The following THAP4 variants were observed in gnomAD, a reference collection of about 807,000 sequenced individuals.
THAP4 encodes the protein peroxynitrite isomerase THAP4.
Under a neutral mutation model 48.1 loss-of-function variants are expected in THAP4, and 18 were observed. The observed-to-expected ratio is 0.37, with a 90% CI of 0.26 to 0.56. The LOEUF (loss-of-function observed/expected upper bound fraction) is 0.56, where lower values mean the gene tolerates loss of function less well. Among genes scored for constraint, THAP4 ranks in the 20% least tolerant of loss-of-function variants. THAP4 has a pLI of 0.78. For missense variants in THAP4, 656 were observed against 774.9 expected, an observed-to-expected ratio of 0.85 and a Z score of 1.82; for synonymous variants, 345 against 324.9, an observed-to-expected ratio of 1.06 and a Z score of -0.66.
intron 4 of THAP4, chr2:241,602,247 C>T: frequency 1.8e-6 from 1 of 544,372 alleles, no homozygotes; most frequent in Admixed American, 3.1e-5. Context: ...GCCCTCCCAC[C>T]TCCACCCACC....
intron 2 of THAP4, chr2:241,617,356 CCTG>C (rs2125088438): frequency 7.7e-7 from 1 of 1,294,028 alleles, no homozygotes; most frequent in East Asian, 2.5e-5. Flanking sequence ...ATTTAAATTT[CCTG>C]CAAGAAATTT....
Position 241,632,899 on chromosome 2 carries a change from C to T in THAP4, c.1240+18G>A, listed in dbSNP as rs770454473. The T allele has an allele frequency of 3.3e-5, 51 of 1,551,646 alleles. No individual in the cohort carries two copies. The highest frequency in any genetic ancestry group is 1.7e-4 in the Middle Eastern group (1 of 5,770). On this transcript the variant is annotated intron_variant, in intron 2 of 5. Transcript: ENST00000407315. ...CTAACGGGAAGGGAACATGGGTACG[C>T]GAGGCTCCGGTACTGACCGCGGCTG...
chr2:241,597,015 G>A (rs1423295616), intron 5 of THAP4, among the ~76,000 whole-genome samples: 1 of 152,180 alleles, frequency 6.6e-6, no homozygotes, highest in Non-Finnish European at 1.5e-5. Context: ...TTTTTAAAAA[G>A]TAATTGTGCT....
At chr2:241,585,211 A>G (rs2066879252) in intron 5 of THAP4, 1 of 154,166 alleles carries the variant, frequency 6.5e-6, no homozygotes, top group Admixed American at 6.4e-5. Flanking sequence ...TCTTTGGAAC[A>G]GTAATTCATC....
intron 2 of THAP4, among the ~76,000 whole-genome samples, chr2:241,607,690 C>T (rs1237420347): frequency 6.8e-6 from 1 of 147,718 alleles, no homozygotes; most frequent in Non-Finnish European, 1.5e-5. Flanking sequence ...TCCAGGCCCG[C>T]GCAAGCAGAA....
Position 241,634,029 on chromosome 2 carries a change from T to C in THAP4, c.128A>G (p.Gln43Arg). ...KRLIQWLKAV[Q>R]RDNWTPTKYS... ...CTTAGTGGGAGTCCAGTTATCCCTC[T>C]GAACAGCTTTTAACCATTGGATTAG... The change falls in exon 2 of 6, where the codon CAG (glutamine) becomes CGG (arginine). Residue 43 changes from glutamine (Q) to arginine (R), a missense_variant. By Grantham distance (43) the Gln-to-Arg change is conservative. Coordinates refer to ENST00000407315, the MANE Select transcript of THAP4 (RefSeq NM_015963.6). 6.2e-7 allele frequency: 1 copy of C among 1,613,390 alleles called. No individual in the cohort carries two copies. Among genetic ancestry groups the C allele is most frequent in the Non-Finnish European group, 8.5e-7 (1 of 1,179,652 alleles).
chr2:241,600,727 CAAAAAAA>C (rs35546566), intron 5 of THAP4, among the ~76,000 whole-genome samples: 9 of 88,782 alleles, frequency 1.0e-4, no homozygotes, highest in Middle Eastern at 6.6e-3. Context: ...GACTCCGTCT[CAAAAAAA>C]AAAAAAAAAA....
chr2:241,624,732 G>A (rs1053461133), intron 2 of THAP4, among the ~76,000 whole-genome samples: 2 of 152,232 alleles, frequency 1.3e-5, no homozygotes, highest in Non-Finnish European at 2.9e-5. Flanking sequence ...GCAGGATGGA[G>A]GGGGTGGGGC....
intron 2 of THAP4, among the ~76,000 whole-genome samples, chr2:241,624,444 G>A (rs193129999): frequency 7.3e-5 from 11 of 151,396 alleles, no homozygotes; most frequent in African/African-American, 2.4e-4. Flanking sequence ...CCGAGATCGC[G>A]CCACTGTACT....
intron 5 of THAP4, among the ~76,000 whole-genome samples, chr2:241,598,515 A>C (rs1231205516): frequency 3.3e-5 from 5 of 152,164 alleles, no homozygotes; most frequent in Non-Finnish European, 7.4e-5. Flanking sequence ...TTCATGGAAG[A>C]CAATTTTTCC....
chr2:241,621,181 C>T (rs964452787), intron 2 of THAP4, among the ~76,000 whole-genome samples: 1 of 152,094 alleles, frequency 6.6e-6, no homozygotes, highest in African/African-American at 2.4e-5. Context: ...AACCCCATCT[C>T]TACTAAAAAT....
rs1420498658 is a variant in THAP4, at chr2:241,621,252, G to A, written c.1240+11665C>T. ...AATCCCATCTACTCGGGAGGCTGAG[G>A]TAGGAGAATTGCTTGAGCCCAGGAA... On this transcript the variant is annotated intron_variant, in intron 2 of 5. Coordinates refer to ENST00000407315, the MANE Select transcript of THAP4 (RefSeq NM_015963.6). Among the ~76,000 whole-genome samples, 6 of 152,270 alleles carry A rather than the reference G, an allele frequency of 3.9e-5. No individual in the cohort carries two copies. In the East Asian group the frequency reaches 1.2e-3, roughly 29 times the overall value.
chr2:241,613,756 GAAACAAAACAA>G (rs901509927), intron 2 of THAP4, among the ~76,000 whole-genome samples: 19 of 151,872 alleles, frequency 1.3e-4, no homozygotes, highest in Non-Finnish European at 2.2e-4. Flanking sequence ...CCCTGTCTCA[GAAACAAAACAA>G]AAACAAAACA....
intron 1 of THAP4, among the ~76,000 whole-genome samples, chr2:241,636,600 G>A (rs887434355): frequency 2.0e-5 from 3 of 152,242 alleles, no homozygotes; most frequent in South Asian, 2.1e-4. Flanking sequence ...CCAGGCCGAC[G>A]GCCCGCGCGG....
chr2:241,618,840 C>T (rs1047989093), intron 2 of THAP4, among the ~76,000 whole-genome samples: 1 of 152,098 alleles, frequency 6.6e-6, no homozygotes, highest in African/African-American at 2.4e-5. Flanking sequence ...AAAAAAAACA[C>T]CTCATGTCTC....
chr2:241,636,092 G>C (rs902433632), intron 1 of THAP4, among the ~76,000 whole-genome samples: 5 of 152,182 alleles, frequency 3.3e-5, no homozygotes, highest in African/African-American at 1.2e-4. Flanking sequence ...AAATTGTCAA[G>C]AAAGTGCGCT....
chr2:241,637,387 CA>C, upstream of THAP4: 1 of 1,415,688 alleles, frequency 7.1e-7, no homozygotes. Flanking sequence ...CGGACGGGGA[CA>C]GAGCTCGCCT....
rs1416598581 is a variant in THAP4, at chr2:241,610,828, A to T, written c.1241-4355T>A. 1.3e-5 allele frequency among the ~76,000 whole-genome samples: 2 copies of T among 151,064 alleles called. No individual in the cohort carries two copies. The highest frequency in any genetic ancestry group is 2.9e-5 in the Non-Finnish European group (2 of 67,970). ...ACAGCGAGAGACGGGACGGGGACAG[A>T]GACACAGAGACAGAGAGACAGGGCC... On this transcript the variant is annotated intron_variant, in intron 2 of 5. Transcript: ENST00000407315. The surrounding 1 kb of genome is among the most constrained non-coding windows in gnomAD (Gnocchi z 4.2).
At position 241,616,022 on chromosome 2, in the gene THAP4, G is replaced by GC. The variant is rs1333149441; in HGVS notation, c.1241-9550dup. Among the ~76,000 whole-genome samples, 1 of 152,184 alleles carries GC rather than the reference G, an allele frequency of 6.6e-6. No individual in the cohort carries two copies. Among genetic ancestry groups the GC allele is most frequent in the African/African-American group, 2.4e-5 (1 of 41,454 alleles). On this transcript the variant is annotated intron_variant, in intron 2 of 5. Transcript: ENST00000407315. The surrounding 1 kb of genome is among the most constrained non-coding windows in gnomAD (Gnocchi z 4.6). Reference sequence around the variant, plus strand: ...AGTCCTGCAGCTGGAGCAGCCCAGAGCCCCTGCCACAAGACGCCTGGGAGA... The same window carrying GC: ...AGTCCTGCAGCTGGAGCAGCCCAGAGCCCCCTGCCACAAGACGCCTGGGAGA...
Sources: allele counts gnomAD v4.1 joint callset (sites outside exome capture counted in the v4.1 genomes callset), GRCh38; gene constraint gnomAD v4.1.1; non-coding constraint Gnocchi (gnomAD v3.1); transcripts MANE v1.5; gene names NCBI Gene and HGNC (gene_info 2026-07-23, HGNC 2026-07-21).